LEMD2: variants seen among roughly 807,000 people sequenced by gnomAD.
The protein encoded by LEMD2 is LEM domain nuclear envelope protein 2, also known as LEM domain-containing protein 2.
A neutral mutation model predicts 58.8 loss-of-function variants in LEMD2; 34 were observed. The ratio of observed to expected loss-of-function variants is 0.58; its 90% CI spans 0.44 to 0.77. LEMD2 has a LOEUF of 0.77. LEMD2 is among the 30% of genes least tolerant of loss of function. The pLI is 0.00. For missense variants in LEMD2, 629 were observed against 717.9 expected (o/e 0.88, Z 1.42); for synonymous variants, 298 against 308.9 (o/e 0.96, Z 0.37).
At chr6:33,776,164 T>C (rs546068505) in intron 8 of LEMD2, among the ~76,000 whole-genome samples, 3 of 152,246 alleles carry the variant, frequency 2.0e-5, no homozygotes, top group Non-Finnish European at 4.4e-5. Flanking sequence ...ACCCCATTCA[T>C]GTTGTGAAAC....
intron 8 of LEMD2, among the ~76,000 whole-genome samples, chr6:33,775,802 C>T (rs564354175): frequency 6.6e-6 from 1 of 152,324 alleles, no homozygotes; most frequent in South Asian, 2.1e-4. Context: ...CTGTTGTGTG[C>T]GTGAACCATG....
chr6:33,776,869 G>A, intron 8 of LEMD2, 85 bp downstream of exon 8: 2 of 1,103,778 alleles, frequency 1.8e-6, no homozygotes, highest in East Asian at 5.0e-5. Context: ...GACATCTGAT[G>A]CAAGGCTCTG....
chr6:33,775,089 T>C (rs1043290740), intron 8 of LEMD2, among the ~76,000 whole-genome samples: 1 of 152,220 alleles, frequency 6.6e-6, no homozygotes, highest in African/African-American at 2.4e-5. Flanking sequence ...AGATGCTCAT[T>C]GTCACGATAC....
At position 33,778,399 on chromosome 6, in the gene LEMD2, C is replaced by T; in HGVS notation, c.1011-12G>A. 6.6e-7 allele frequency: 1 copy of T among 1,524,458 alleles called. No individual in the cohort carries two copies. The highest frequency in any genetic ancestry group is 8.8e-7 in the Non-Finnish European group (1 of 1,130,580). 94.4% of individuals were successfully genotyped at this position (1,524,458 alleles called of 1,614,324 possible). Reference sequence around the variant, plus strand: ...CTTCTCCTTTCAACCTGAAACAGGACACAGGGCTCTGAACATGTTGGAAAG... The same window carrying T: ...CTTCTCCTTTCAACCTGAAACAGGATACAGGGCTCTGAACATGTTGGAAAG... On this transcript the variant is annotated splice_polypyrimidine_tract_variant and intron_variant, in intron 5 of 8. Coordinates refer to ENST00000293760, the MANE Select transcript of LEMD2 (RefSeq NM_181336.4). The surrounding 1 kb of genome is among the most constrained non-coding windows in gnomAD (Gnocchi z 4.7).
chr6:33,784,616 G>A, intron 2 of LEMD2, 189 bp from the exon 3 acceptor site: 1 of 547,376 alleles, frequency 1.8e-6, no homozygotes, highest in Non-Finnish European at 3.3e-6. Context: ...TGGGTTAACT[G>A]CCTGAGAAAG....
chr6:33,786,862 G>A, intron 1 of LEMD2, 88 bp from the exon 2 acceptor site: 1 of 1,573,960 alleles, frequency 6.4e-7, no homozygotes, highest in Non-Finnish European at 8.6e-7. Flanking sequence ...TTTGGAGGGA[G>A]TAAAGCATTA....
At chr6:33,772,930 G>A (rs1582249136) in intron 8 of LEMD2, 152 bp from the exon 9 acceptor site, 2 of 478,224 alleles carry the variant, frequency 4.2e-6, no homozygotes, top group African/African-American at 2.0e-5. Flanking sequence ...CAACTGCAGA[G>A]GAGAAAAACG....
intron 2 of LEMD2, among the ~76,000 whole-genome samples, chr6:33,785,681 A>G (rs1767662059): frequency 1.3e-5 from 2 of 152,252 alleles, no homozygotes; most frequent in South Asian, 4.1e-4. Flanking sequence ...TTAAGTCTTC[A>G]AATTCCAGTT....
intron 4 of LEMD2, among the ~76,000 whole-genome samples, chr6:33,780,521 T>G (rs1582257725): frequency 1.3e-5 from 2 of 152,266 alleles, no homozygotes; most frequent in African/African-American, 4.8e-5. Context: ...TGGGGGTGGG[T>G]GAGCCCAGTG....
At chr6:33,774,295 C>T (rs1767379522) in intron 8 of LEMD2, among the ~76,000 whole-genome samples, 1 of 151,822 alleles carries the variant, frequency 6.6e-6, no homozygotes, top group East Asian at 1.9e-4. Context: ...ACTCAGCCTC[C>T]CGAGTAGCTG....
chr6:33,784,477 G>GGGGGGGGGCCCCCCCCCCC, intron 2 of LEMD2, 50 bp from the exon 3 acceptor site: 1 of 430,804 alleles, frequency 2.3e-6, no homozygotes. Flanking sequence ...GGTGGGAGGG[G>GGGGGGGGGCCCCCCCCCCC]TCCGTCTGTC....
chr6:33,780,363 A>G (rs1767538005), intron 4 of LEMD2, 184 bp from the exon 5 acceptor site: 1 of 637,706 alleles, frequency 1.6e-6, no homozygotes, highest in Non-Finnish European at 2.9e-6. Context: ...GGAAGAGGCT[A>G]TAACCAGAGG....
At chr6:33,776,779 T>C (rs1767439342) in intron 8 of LEMD2, 175 bp downstream of exon 8, 2 of 631,212 alleles carry the variant, frequency 3.2e-6, no homozygotes, top group East Asian at 2.7e-5. Context: ...CATCCTGCCA[T>C]AAAGAGCCGA....
chr6:33,788,556 C>A lies in LEMD2; in HGVS notation c.561G>T (p.Ala187=). The change falls in exon 1 of 9, where the codon GCG becomes GCT. Residue 187 remains alanine (A), a synonymous_variant. Transcript: ENST00000293760. ...CCGCGCCAGCAGGGCCCGCTCGAGTCGCCCGCAGGCCCGGGCGCGGGTCGG... is the reference window on the plus strand; with the variant it reads ...CCGCGCCAGCAGGGCCCGCTCGAGTAGCCCGCAGGCCCGGGCGCGGGTCGG... ...LGPDPRPGLR[A]TRAGPAGAAR... 6.3e-6 allele frequency: 9 copies of A among 1,427,900 alleles called. No homozygotes were observed. Among genetic ancestry groups the A allele is most frequent in the Non-Finnish European group, 8.2e-6 (9 of 1,094,108 alleles). The allele number at this position is 1,427,900 out of a possible 1,614,324, so 88.5% of individuals were successfully genotyped here.
chr6:33,782,511 C>A (rs894253573), intron 3 of LEMD2, among the ~76,000 whole-genome samples: 1 of 152,212 alleles, frequency 6.6e-6, no homozygotes, highest in Non-Finnish European at 1.5e-5. Context: ...AATTTCCTGC[C>A]GCTTTGCCTT....
rs766279601 is a variant in LEMD2 at position 33,772,585 on chromosome 6, T to G, written c.*43A>C. 1.7e-5 allele frequency: 27 copies of G among 1,586,030 alleles called. No individual in the cohort carries two copies. Among genetic ancestry groups the G allele is most frequent in the Non-Finnish European group, 2.3e-5 (27 of 1,163,728 alleles). ...ACCCTCCTGTGCCTCTGGAGTGGGC[T>G]GTCCTGGGACAGGCTGACCGGGAAC... On this transcript the variant is annotated 3_prime_UTR_variant, in exon 9 of 9. Transcript: ENST00000293760.
rs1351188161 is a variant in LEMD2, at chr6:33,772,646, G to A, written c.1494C>T (p.Phe498=). The part of the protein sequence containing the change: ...LVWRWTKPSS[F]SDSER ...CCGGGGCTTATCGCTCTGAGTCAGA[G>A]AAGGAAGAGGGCTTAGTCCATCTCC... The change falls in exon 9 of 9, where the codon TTC becomes TTT. Residue 498 remains phenylalanine, a synonymous_variant. Transcript: ENST00000293760. The A allele has an allele frequency of 6.2e-7, 1 of 1,613,930 alleles. No homozygotes were observed. The highest frequency in any genetic ancestry group is 1.7e-5 in the Admixed American group (1 of 60,004).
intron 4 of LEMD2, 45 bp from the exon 5 acceptor site, chr6:33,780,224 G>C: frequency 6.7e-7 from 1 of 1,487,200 alleles, no homozygotes. Flanking sequence ...TCTGGGCGGA[G>C]CAGCTGGAAC....
intron 8 of LEMD2, among the ~76,000 whole-genome samples, chr6:33,773,599 G>GGT (rs71000003): frequency 1.3e-5 from 2 of 151,160 alleles, no homozygotes; most frequent in Non-Finnish European, 2.9e-5. Flanking sequence ...GGAGGCGGGG[G>GGT]GGGGGCTAGG....
Sources: gnomAD v4.1 joint callset for allele counts (sites outside exome capture counted in the v4.1 genomes callset) on GRCh38, gnomAD v4.1.1 for gene constraint, Gnocchi (gnomAD v3.1) non-coding constraint, MANE v1.5 for transcripts, NCBI Gene and HGNC (gene_info 2026-07-23, HGNC 2026-07-21) for gene names.